Variants in CASP6 observed in about 807,000 individuals in gnomAD.
CASP6 encodes caspase 6.
A neutral mutation model predicts 31.8 loss-of-function variants in CASP6; 20 were observed. The ratio of observed to expected loss-of-function variants is 0.63; its 90% CI spans 0.44 to 0.91. The LOEUF is 0.91. CASP6 is among the 40% of genes least tolerant of loss of function. The pLI, the probability that CASP6 is intolerant of heterozygous loss-of-function variation, is 0.00. For synonymous variants in CASP6, 130 were observed against 127.8 expected, an observed-to-expected ratio of 1.02 and a Z score of -0.12; for missense variants, 328 against 361.1, an observed-to-expected ratio of 0.91 and a Z score of 0.74.
At chr4:109,693,965 C>T (rs534364087) in intron 5 of CASP6, among the ~76,000 whole-genome samples, 136 of 152,106 alleles carry the variant, frequency 8.9e-4, no homozygotes, top group African/African-American at 3.0e-3. Context: ...TCTTGAACTC[C>T]TCAGGTGATC....
upstream of CASP6, among the ~76,000 whole-genome samples, chr4:109,704,466 C>T (rs1189773125): frequency 6.6e-6 from 1 of 152,224 alleles, no homozygotes; most frequent in Non-Finnish European, 1.5e-5. Flanking sequence ...ACAGCCACAA[C>T]ATTCCCTTAA....
upstream of CASP6, among the ~76,000 whole-genome samples, chr4:109,704,989 G>A (rs1329558327): frequency 6.6e-6 from 1 of 152,184 alleles, no homozygotes; most frequent in Admixed American, 6.5e-5. Context: ...ACAGGTGTGA[G>A]CCACCGTGCC....
chr4:109,705,948 T>C (rs1579117750), upstream of CASP6, among the ~76,000 whole-genome samples: 1 of 105,120 alleles, frequency 9.5e-6, no homozygotes, highest in African/African-American at 3.8e-5. Flanking sequence ...TGCACTCCAG[T>C]CTGGGTGACA....
At chr4:109,705,973 TTAAA>T (rs1730585922), upstream of CASP6, among the ~76,000 whole-genome samples, 1 of 23,794 alleles carries the variant, frequency 4.2e-5, no homozygotes, top group South Asian at 2.9e-3. Flanking sequence ...AAGACACTCT[TTAAA>T]AAAAAAAAAA....
upstream of CASP6, chr4:109,703,445 CAG>C (rs756860585): frequency 2.2e-5 from 35 of 1,596,710 alleles, no homozygotes; most frequent in Non-Finnish European, 2.6e-6. Flanking sequence ...CCTGAAGCCA[CAG>C]GCTCCCGGGC....
At chr4:109,696,531 G>T in intron 3 of CASP6, 45 bp from the exon 4 acceptor site, 1 of 1,320,562 alleles carries the variant, frequency 7.6e-7, no homozygotes, top group Non-Finnish European at 1.1e-6. Context: ...ACTTTTCAAA[G>T]TTGTCAAATA....
intron 5 of CASP6, chr4:109,692,432 GA>G (rs1730086103): frequency 6.6e-6 from 1 of 152,202 alleles, no homozygotes; most frequent in African/African-American, 2.4e-5. Flanking sequence ...AAGGCATAGA[GA>G]GAGAAAGTAA....
At chr4:109,702,169 G>T (rs1040520893) in intron 1 of CASP6, among the ~76,000 whole-genome samples, 1 of 152,144 alleles carries the variant, frequency 6.6e-6, no homozygotes, top group Non-Finnish European at 1.5e-5. Context: ...GACTGCAACT[G>T]GACCCTGCAC....
chr4:109,697,584 T>G, intron 3 of CASP6, 38 bp downstream of exon 3: 1 of 1,569,930 alleles, frequency 6.4e-7, no homozygotes, highest in Non-Finnish European at 8.6e-7. Flanking sequence ...ATTTTATCAC[T>G]TAACTGCCTC....
upstream of CASP6, among the ~76,000 whole-genome samples, chr4:109,707,144 C>T (rs552869082): frequency 9.0e-4 from 137 of 152,262 alleles, 1 homozygote; most frequent in African/African-American, 3.2e-3. Context: ...ACAGACTACA[C>T]TTTAGTATGA....
At chr4:109,678,501 T>C in the CASP6 span, among the ~76,000 whole-genome samples, 21 of 101,010 alleles carry the variant, frequency 2.1e-4, no homozygotes, top group East Asian at 6.8e-4. Context: ...GCGCTCCCCA[T>C]TTCCCAGATG....
chr4:109,694,269 G>C (rs5030574), intron 5 of CASP6, among the ~76,000 whole-genome samples: 1 of 152,124 alleles, frequency 6.6e-6, no homozygotes, highest in Non-Finnish European at 1.5e-5. Flanking sequence ...TATCAGGCTC[G>C]GACAGGGAGT....
At chr4:109,693,985 C>T (rs912129785) in intron 5 of CASP6, among the ~76,000 whole-genome samples, 13 of 152,064 alleles carry the variant, frequency 8.5e-5, no homozygotes, top group African/African-American at 2.9e-4. Context: ...CTGCCTGCCT[C>T]GGCCTCCCAA....
At chr4:109,702,388 G>A (rs1730448474) in intron 1 of CASP6, among the ~76,000 whole-genome samples, 1 of 148,736 alleles carries the variant, frequency 6.7e-6, no homozygotes, top group Non-Finnish European at 1.5e-5. Context: ...GGAGTGCAGT[G>A]GGGCGATCTC....
Position 109,703,245 on chromosome 4 carries a change from G to A in CASP6, c.40+111C>T, listed in dbSNP as rs979720399. ...TCCAGGCCGCCCTGCAAAGCCGAAGGAACCCGCGGCCCCACTCCGGTCCGC... is the reference window on the plus strand; with the variant it reads ...TCCAGGCCGCCCTGCAAAGCCGAAGAAACCCGCGGCCCCACTCCGGTCCGC... On this transcript the variant is annotated intron_variant, in intron 1 of 6. Transcript: ENST00000265164. 5 of 1,272,108 alleles carry A rather than the reference G, an allele frequency of 3.9e-6. No homozygotes were observed. In the African/African-American group the frequency reaches 7.6e-5, roughly 19 times the overall value. The allele number at this position is 1,272,108 out of a possible 1,614,324, so 78.8% of individuals were successfully genotyped here.
chr4:109,668,868 C>A, the CASP6 span, among the ~76,000 whole-genome samples: 2 of 152,034 alleles, frequency 1.3e-5, no homozygotes, highest in African/African-American at 4.8e-5. Context: ...TGCAAGTCCA[C>A]TTTCAAATAA....
chr4:109,690,386 G>A (rs1002207748), intron 6 of CASP6, among the ~76,000 whole-genome samples: 5 of 151,948 alleles, frequency 3.3e-5, no homozygotes, highest in Admixed American at 6.6e-5. Context: ...AGCCAAGCAT[G>A]GTGGTGCATG....
chr4:109,676,615 T>C, the CASP6 span, among the ~76,000 whole-genome samples: 1 of 152,204 alleles, frequency 6.6e-6, no homozygotes, highest in Non-Finnish European at 1.5e-5. Context: ...CTTCTACCTT[T>C]TCAGGTATTT....
chr4:109,670,272 C>G, the CASP6 span, among the ~76,000 whole-genome samples: 1 of 152,132 alleles, frequency 6.6e-6, no homozygotes, highest in Non-Finnish European at 1.5e-5. Context: ...CTCAGCCCTT[C>G]CCCCACCCCC....
Sources: gnomAD v4.1 joint callset for allele counts (sites outside exome capture counted in the v4.1 genomes callset) on GRCh38, gnomAD v4.1.1 for gene constraint, MANE v1.5 for transcripts, NCBI Gene and HGNC (gene_info 2026-07-23, HGNC 2026-07-21) for gene names.